RANBP2: variants seen among roughly 807,000 people sequenced by gnomAD.
RANBP2 encodes the protein RAN binding protein 2.
RANBP2 carries 57 observed loss-of-function variants against 303.6 expected under a neutral mutation model. That is an observed-to-expected ratio of 0.19 (90% CI 0.15 to 0.23). RANBP2 has a LOEUF of 0.23. Ranked by LOEUF, RANBP2 falls within the 10% of genes least tolerant of loss-of-function variation. The pLI is 1.00. For synonymous variants in RANBP2, 1,167 were observed against 1,301.5 expected (o/e 0.90, Z 2.23); for missense variants, 3,138 against 3,780.8 (o/e 0.83, Z 4.46).
chr2:109,670,168 T>G, the RANBP2 span, among the ~76,000 whole-genome samples: 1 of 152,076 alleles, frequency 6.6e-6, no homozygotes. Flanking sequence ...GAAGCCCCCT[T>G]AGCATCCTTC....
At chr2:108,874,857 A>G in the RANBP2 span, among the ~76,000 whole-genome samples, 2 of 151,740 alleles carry the variant, frequency 1.3e-5, no homozygotes, top group Non-Finnish European at 2.9e-5. Context: ...CAGTTACCTT[A>G]TGGTGCCATG....
the RANBP2 span, among the ~76,000 whole-genome samples, chr2:109,044,727 T>G: frequency 6.6e-6 from 1 of 152,100 alleles, no homozygotes; most frequent in Non-Finnish European, 1.5e-5. Flanking sequence ...TGTGTGGAGC[T>G]AGGGGAGAGA....
chr2:109,449,197 A>G, the RANBP2 span: 1 of 1,613,600 alleles, frequency 6.2e-7, no homozygotes, highest in Non-Finnish European at 8.5e-7. Context: ...CAGGCTCAGG[A>G]CCGGCCAACT....
At chr2:108,856,407 C>T in the RANBP2 span, among the ~76,000 whole-genome samples, 1 of 152,016 alleles carries the variant, frequency 6.6e-6, no homozygotes, top group African/African-American at 2.4e-5. Context: ...GAAGCAGCAA[C>T]AAAACATAAT....
At chr2:109,472,458 G>A in the RANBP2 span, among the ~76,000 whole-genome samples, 12 of 152,180 alleles carry the variant, frequency 7.9e-5, no homozygotes, top group East Asian at 3.9e-4. Flanking sequence ...GGGGCTTCCC[G>A]TCAGGGCTTG....
chr2:109,348,139 G>A, the RANBP2 span, among the ~76,000 whole-genome samples: 20 of 152,092 alleles, frequency 1.3e-4, no homozygotes, highest in South Asian at 1.0e-3. Flanking sequence ...GGTTTTTTTT[G>A]GTTGAATGCT....
chr2:109,721,128 A>G, the RANBP2 span, among the ~76,000 whole-genome samples: 1 of 152,216 alleles, frequency 6.6e-6, no homozygotes, highest in Non-Finnish European at 1.5e-5. Flanking sequence ...ATTAATTCAT[A>G]TCATTACTAC....
chr2:108,780,045 T>C (rs892280336), intron 25 of RANBP2, among the ~76,000 whole-genome samples: 1 of 152,248 alleles, frequency 6.6e-6, no homozygotes, highest in Admixed American at 6.5e-5. Context: ...CCTACTTCTT[T>C]ACTTGGAAGT....
At chr2:108,772,443 C>T (rs754099239) in intron 21 of RANBP2, 46 bp from the exon 22 acceptor site, 10 of 1,531,310 alleles carry the variant, frequency 6.5e-6, no homozygotes, top group East Asian at 4.5e-5. Flanking sequence ...GCAAGGAAAA[C>T]CCCCCAAAAT....
the RANBP2 span, among the ~76,000 whole-genome samples, chr2:109,159,994 C>T: frequency 3.3e-5 from 5 of 152,228 alleles, no homozygotes; most frequent in Non-Finnish European, 5.9e-5. Flanking sequence ...AAATGTGATG[C>T]GCTTGAATCA....
the RANBP2 span, among the ~76,000 whole-genome samples, chr2:108,932,056 C>A: frequency 6.6e-6 from 1 of 152,162 alleles, no homozygotes; most frequent in African/African-American, 2.4e-5. Flanking sequence ...TAGCAAGCTA[C>A]CATTGGTCAT....
chr2:109,362,582 A>C, the RANBP2 span, among the ~76,000 whole-genome samples: 1 of 152,180 alleles, frequency 6.6e-6, no homozygotes, highest in East Asian at 1.9e-4. Context: ...TGTATCCAGT[A>C]GATTGATGGT....
At chr2:109,220,911 T>C in the RANBP2 span, among the ~76,000 whole-genome samples, 1 of 152,252 alleles carries the variant, frequency 6.6e-6, no homozygotes, top group African/African-American at 2.4e-5. Context: ...AGCAGTTCTA[T>C]TCCTAGGCTT....
the RANBP2 span, among the ~76,000 whole-genome samples, chr2:109,713,282 A>G: frequency 2.0e-5 from 3 of 152,170 alleles, no homozygotes; most frequent in East Asian, 1.9e-4. Context: ...TTCATCATTA[A>G]TAAGCCCTCC....
the RANBP2 span, among the ~76,000 whole-genome samples, chr2:109,376,941 A>G: frequency 5.4e-4 from 82 of 152,370 alleles, 3 homozygotes; most frequent in South Asian, 0.017. Context: ...CAATGTGAGG[A>G]CAGACAGAGA....
chr2:109,123,443 T>C, the RANBP2 span, among the ~76,000 whole-genome samples: 2 of 148,120 alleles, frequency 1.4e-5, no homozygotes, highest in South Asian at 4.5e-4. Context: ...AAGCATGCCT[T>C]TCTCTCTCCT....
At position 108,771,694 on chromosome 2, in the gene RANBP2, G is replaced by A. The variant is rs1057521363; in HGVS notation, c.7850-7G>A. 6.2e-7 allele frequency: 1 copy of A among 1,611,318 alleles called. No individual in the cohort carries two copies. Among genetic ancestry groups the A allele is most frequent in the African/African-American group, 1.3e-5 (1 of 74,878 alleles). On this transcript the variant is annotated splice_region_variant and splice_polypyrimidine_tract_variant and intron_variant, in intron 20 of 28. Transcript: ENST00000283195. ...ATCTTTGTCAATTTTTTTGACTGGT[G>A]TTACAGCAAAAGAGAAGAAAAAACC... is the stretch of plus-strand genomic sequence containing the variant.
chr2:109,371,667 C>G, the RANBP2 span: 4 of 1,613,826 alleles, frequency 2.5e-6, no homozygotes, highest in Non-Finnish European at 3.4e-6. Flanking sequence ...GATCTTCCCG[C>G]TCCTGTACGT....
chr2:108,890,529 G>T, the RANBP2 span, among the ~76,000 whole-genome samples: 2 of 152,298 alleles, frequency 1.3e-5, no homozygotes, highest in Non-Finnish European at 2.9e-5. Context: ...ACAGGCATGA[G>T]CCACTGCACC....
Sources: allele counts gnomAD v4.1 joint callset (sites outside exome capture counted in the v4.1 genomes callset), GRCh38; gene constraint gnomAD v4.1.1; transcripts MANE v1.5; gene names NCBI Gene and HGNC (gene_info 2026-07-23, HGNC 2026-07-21).